TMC1: variants seen among roughly 807,000 people sequenced by gnomAD.
The protein encoded by TMC1 is transmembrane channel-like protein 1.
In TMC1, 84 loss-of-function variants were observed where a neutral mutation model predicts 105.8. The ratio of observed to expected loss-of-function variants is 0.79; its 90% CI spans 0.67 to 0.95. The LOEUF (loss-of-function observed/expected upper bound fraction) is 0.95, where lower values mean the gene tolerates loss of function less well. Among genes scored for constraint, TMC1 ranks in the 40% least tolerant of loss-of-function variants. The probability of loss-of-function intolerance (pLI) is 0.00; values close to 1 mark genes in which losing one functional copy is unlikely to be tolerated. For synonymous variants in TMC1, 315 were observed against 311.5 expected, an observed-to-expected ratio of 1.01 and a Z score of -0.12; for missense variants, 817 against 914.1, an observed-to-expected ratio of 0.89 and a Z score of 1.37.
In TMC1 at chr9:72,590,419, G is replaced by A. The variant is rs546597850; in HGVS notation, c.-306+12396G>A. On this transcript the variant is annotated intron_variant, in intron 2 of 23. Transcript: ENST00000297784. The stretch of plus-strand genomic sequence containing the variant: ...TTAGTCACTGAATCAGGCAGTGAAA[G>A]AGCTCTCTCCAAGCTTCATGGTTAT... Among the ~76,000 whole-genome samples, 178 of 152,322 alleles carry A rather than the reference G, an allele frequency of 1.2e-3. 1 individual carries two copies. The highest frequency in any genetic ancestry group is 5.0e-4 in the Non-Finnish European group (34 of 68,040).
chr9:72,782,321 G>A (rs890622794), intron 13 of TMC1, among the ~76,000 whole-genome samples: 1 of 151,926 alleles, frequency 6.6e-6, no homozygotes, highest in Non-Finnish European at 1.5e-5. Flanking sequence ...TCAAAATAAT[G>A]AGCCATCTAT....
chr9:72,527,593 CCT>C (rs1336986166), intron 1 of TMC1, among the ~76,000 whole-genome samples: 1 of 152,176 alleles, frequency 6.6e-6, no homozygotes, highest in East Asian at 1.9e-4. Context: ...CTGTTGCTGG[CCT>C]CTCTGTTGTG....
chr9:72,739,706 C>T (rs1010607103), intron 8 of TMC1, among the ~76,000 whole-genome samples: 2 of 152,050 alleles, frequency 1.3e-5, no homozygotes, highest in African/African-American at 2.4e-5. Flanking sequence ...TTTGACCTAA[C>T]CTCTCTGCCC....
intron 19 of TMC1, among the ~76,000 whole-genome samples, chr9:72,820,061 A>G (rs1828843416): frequency 6.6e-6 from 1 of 152,234 alleles, no homozygotes. Context: ...TGCACAAAGC[A>G]GAGAATTCCC....
At chr9:72,830,600 T>G (rs913727460) in intron 22 of TMC1, 31 bp from the exon 23 acceptor site, 18 of 1,611,352 alleles carry the variant, frequency 1.1e-5, no homozygotes, top group Non-Finnish European at 1.5e-5. Flanking sequence ...CTGAGAAATC[T>G]ACTTTTTTCC....
chr9:72,563,385 C>T (rs1824091864), intron 1 of TMC1, among the ~76,000 whole-genome samples: 1 of 152,066 alleles, frequency 6.6e-6, no homozygotes, highest in South Asian at 2.1e-4. Flanking sequence ...AGAGCAGACT[C>T]CAAGGGGCCA....
In TMC1 at chr9:72,606,947, ATATGTATG is replaced by A. The variant is rs35412597; in HGVS notation, c.-305-9403_-305-9396del. The stretch of plus-strand genomic sequence containing the variant: ...TTATGAAGGCTAAGTAGGTTTATAT[ATATGTATG>A]TATGTATGTATGTATGTGTGTGTGT... On this transcript the variant is annotated intron_variant, in intron 2 of 23. Transcript: ENST00000297784. Among the ~76,000 whole-genome samples, 523 of 148,158 alleles carry A rather than the reference ATATGTATG, an allele frequency of 3.5e-3. 4 individuals are homozygous for A. Among genetic ancestry groups the A allele is most frequent in the African/African-American group, 0.012 (464 of 39,576 alleles).
chr9:72,765,920 A>G (rs1408035907), intron 12 of TMC1, among the ~76,000 whole-genome samples: 3 of 152,210 alleles, frequency 2.0e-5, no homozygotes, highest in African/African-American at 7.2e-5. Flanking sequence ...TATAGAAGCC[A>G]GAAGAGTTAA....
At chr9:72,549,906 C>T (rs1564403727) in intron 1 of TMC1, among the ~76,000 whole-genome samples, 1 of 151,846 alleles carries the variant, frequency 6.6e-6, no homozygotes, top group Non-Finnish European at 1.5e-5. Context: ...GCCACCGAGC[C>T]CGGCCTAATT....
At chr9:72,585,763 G>A (rs1182157514) in intron 2 of TMC1, among the ~76,000 whole-genome samples, 5 of 152,164 alleles carry the variant, frequency 3.3e-5, no homozygotes, top group African/African-American at 9.7e-5. Flanking sequence ...GTGGTGAGTT[G>A]ACGAGGAGCC....
At chr9:72,567,418 C>G (rs1253798496) in intron 1 of TMC1, among the ~76,000 whole-genome samples, 2 of 152,198 alleles carry the variant, frequency 1.3e-5, no homozygotes, top group Admixed American at 6.5e-5. Context: ...AGTCCATTCT[C>G]ATGCCACTAT....
chr9:72,669,104 A>C (rs1199651466), intron 5 of TMC1, among the ~76,000 whole-genome samples: 6 of 152,126 alleles, frequency 3.9e-5, no homozygotes, highest in Non-Finnish European at 8.8e-5. Context: ...TCAGGAGTTC[A>C]AGACCAGCCT....
Position 72,805,374 on chromosome 9 carries a change from C to G in TMC1, c.1567-8C>G. On this transcript the variant is annotated splice_polypyrimidine_tract_variant and splice_region_variant and intron_variant, in intron 17 of 23. Coordinates refer to ENST00000297784, the MANE Select transcript of TMC1 (RefSeq NM_138691.3). ...CTGTGTGTTTTAATAGAGATAATATCTCAACAGGAGTTTGTGAGGCTGACA... is the reference window on the plus strand; with the variant it reads ...CTGTGTGTTTTAATAGAGATAATATGTCAACAGGAGTTTGTGAGGCTGACA... The G allele has an allele frequency of 6.2e-7, 1 of 1,613,448 alleles. No homozygotes were observed. The highest frequency in any genetic ancestry group is 8.5e-7 in the Non-Finnish European group (1 of 1,179,608).
chr9:72,830,757 T>A, intron 23 of TMC1, 75 bp downstream of exon 23: 4 of 1,201,952 alleles, frequency 3.3e-6, no homozygotes, highest in African/African-American at 1.6e-5. Context: ...TTTTTTTTGC[T>A]TTTTCTCCAT....
At chr9:72,672,203 A>G (rs1023943990) in intron 5 of TMC1, among the ~76,000 whole-genome samples, 1 of 152,148 alleles carries the variant, frequency 6.6e-6, no homozygotes, top group African/African-American at 2.4e-5. Flanking sequence ...GTGTTCATAT[A>G]TCAGTTATGA....
At chr9:72,590,895 C>CT (rs1274059524) in intron 2 of TMC1, among the ~76,000 whole-genome samples, 2 of 152,228 alleles carry the variant, frequency 1.3e-5, no homozygotes, top group East Asian at 3.8e-4. Context: ...CTACCCCACT[C>CT]TTACCTACCC....
In TMC1 at chr9:72,740,247, G is replaced by C. The variant is rs192047147; in HGVS notation, c.453+38G>C. On this transcript the variant is annotated intron_variant, in intron 9 of 23. Coordinates refer to ENST00000297784, the MANE Select transcript of TMC1 (RefSeq NM_138691.3). ...ATAGTTGTCTGGTTTATGGCATATT[G>C]CCTCTAAGAAGAACACTGGTTCTTT... 7 of 1,566,074 alleles carry C rather than the reference G, an allele frequency of 4.5e-6. No individual in the cohort carries two copies. In the African/African-American group the frequency reaches 9.5e-5, roughly 21 times the overall value.
At chr9:72,629,488 A>G (rs917976206) in intron 4 of TMC1, among the ~76,000 whole-genome samples, 2 of 152,160 alleles carry the variant, frequency 1.3e-5, no homozygotes, top group African/African-American at 2.4e-5. Context: ...TGGGAAAACT[A>G]ATAGGAATAT....
At position 72,627,618 on chromosome 9, in the gene TMC1, A is replaced by G. The variant is rs547171657; in HGVS notation, c.-195-303A>G. Among the ~76,000 whole-genome samples the G allele has an allele frequency of 2.6e-5, 4 of 152,308 alleles. 1 individual carries two copies. Among genetic ancestry groups the G allele is most frequent in the Admixed American group, 2.6e-4 (4 of 15,296 alleles). On this transcript the variant is annotated intron_variant, in intron 3 of 23. Transcript: ENST00000297784. ...GTGGGAGTAAGGCCTTTAAACGAAG[A>G]GCTACATTTCAAAGAACTTCAAATG...
Sources: gnomAD v4.1 joint callset for allele counts (sites outside exome capture counted in the v4.1 genomes callset) on GRCh38, gnomAD v4.1.1 for gene constraint, MANE v1.5 for transcripts, NCBI Gene and HGNC (gene_info 2026-07-23, HGNC 2026-07-21) for gene names.